Variants in PLK2 observed in about 807,000 individuals in gnomAD.
PLK2 encodes the protein polo like kinase 2.
PLK2 carries 25 observed loss-of-function variants against 78.1 expected under a neutral mutation model. That is an observed-to-expected ratio of 0.32 (90% CI 0.23 to 0.45). The LOEUF (loss-of-function observed/expected upper bound fraction) is 0.45. Ranked by LOEUF, PLK2 falls within the 20% of genes least tolerant of loss-of-function variation. The pLI is 1.00. For missense variants in PLK2, 566 were observed against 840.2 expected, an observed-to-expected ratio of 0.67 and a Z score of 4.04; for synonymous variants, 332 against 298.2, an observed-to-expected ratio of 1.11 and a Z score of -1.17.
chr5:58,456,175 A>G lies in PLK2; in HGVS notation c.1255-20T>C, dbSNP rs1743598652. The G allele has an allele frequency of 6.2e-7, 1 of 1,603,030 alleles. No individual in the cohort carries two copies. The highest frequency in any genetic ancestry group is 1.3e-5 in the African/African-American group (1 of 74,208). On this transcript the variant is annotated intron_variant, in intron 9 of 13. Transcript: ENST00000274289. ...GAGCTCCTTAGAAGAGAGAAGATTT[A>G]TGCAATGAGTCAAGCATCTAAATTC...
chr5:58,458,327 A>T, intron 4 of PLK2, 72 bp downstream of exon 4: 1 of 1,514,974 alleles, frequency 6.6e-7, no homozygotes, highest in Non-Finnish European at 9.2e-7. Flanking sequence ...AAGAACATTA[A>T]TATGTAAAAA....
rs1743682166 is a variant in PLK2 at position 58,458,957 on chromosome 5, A to G, written c.378+28T>C. 7.7e-6 allele frequency: 11 copies of G among 1,426,800 alleles called. No individual in the cohort carries two copies. In the South Asian group the frequency reaches 1.1e-4, roughly 15 times the overall value. 88.4% of individuals were successfully genotyped at this position (1,426,800 alleles called of 1,614,324 possible). A position where few individuals can be genotyped will look rare whatever the true frequency, so the allele number is the denominator to read the frequency against. Reference sequence around the variant, plus strand: ...GAAGGGCCATCCTTGCACACAAAGAAAATACTTTACTCAAGAGTCATACGC... The same window carrying G: ...GAAGGGCCATCCTTGCACACAAAGAGAATACTTTACTCAAGAGTCATACGC... On this transcript the variant is annotated intron_variant, in intron 2 of 13. Coordinates refer to ENST00000274289, the MANE Select transcript of PLK2 (RefSeq NM_006622.4).
At chr5:58,456,243 T>C in intron 9 of PLK2, 88 bp from the exon 10 acceptor site, 11 of 1,301,316 alleles carry the variant, frequency 8.5e-6, no homozygotes, top group East Asian at 2.3e-5. Flanking sequence ...AGTGAGGCAA[T>C]TGCTGGGAAA....
intron 3 of PLK2, 96 bp from the exon 4 acceptor site, chr5:58,458,624 A>G (rs1561217083): frequency 7.5e-7 from 1 of 1,327,736 alleles, no homozygotes; most frequent in Non-Finnish European, 1.1e-6. Flanking sequence ...TTAACTTTGC[A>G]GTGTAAGTGC....
At chr5:58,459,310 T>A (rs1579966197) in intron 1 of PLK2, 2 of 582,904 alleles carry the variant, frequency 3.4e-6, no homozygotes, top group East Asian at 5.7e-5. Context: ...TCTCTTCTTC[T>A]TTTATAAAGG....
chr5:58,456,728 T>C (rs901681754), intron 8 of PLK2, 139 bp from the exon 9 acceptor site: 2 of 659,012 alleles, frequency 3.0e-6, no homozygotes, highest in African/African-American at 3.7e-5. Context: ...CCTTTGCCTT[T>C]AGCTGCAGCT....
At chr5:58,456,258 A>T in intron 9 of PLK2, 103 bp from the exon 10 acceptor site, 1 of 1,155,422 alleles carries the variant, frequency 8.7e-7, no homozygotes. Context: ...GGGAAAGCTC[A>T]TCAAAAAGCA....
chr5:58,459,820 G>T lies in PLK2; in HGVS notation c.140C>A (p.Ser47Tyr). ...QPPEESQPPQ[S>Y]QAQVPPAAPH... is the part of the protein sequence containing the mutation. ...GGCCGCCGGGGGCACTTGCGCCTGG[G>T]ACTGAGGTGGCTGCGATTCCTCGGG... is the stretch of plus-strand genomic sequence containing the variant. The change falls in exon 1 of 14, where the codon TCC becomes TAC. Residue 47 changes from serine to tyrosine, a missense_variant. Transcript: ENST00000274289. The T allele has an allele frequency of 6.2e-7, 1 of 1,609,936 alleles. No individual in the cohort carries two copies.
Position 58,454,982 on chromosome 5 carries a change from G to T in PLK2, c.1795C>A (p.Arg599=). ...TTTAGCCACTGAAGGAGGTAGAGCC[G>T]AGGTCTTCGAATATCAGTAACACTA... The part of the protein sequence containing the change: ...LPSVTDIRRP[R]LYLLQWLKSD... The change falls in exon 13 of 14, where the codon CGG becomes AGG. Residue 599 remains arginine (R), a synonymous_variant. Transcript: ENST00000274289. The T allele has an allele frequency of 6.2e-7, 1 of 1,612,508 alleles. No homozygotes were observed. Among genetic ancestry groups the T allele is most frequent in the Non-Finnish European group, 8.5e-7 (1 of 1,178,518 alleles).
At chr5:58,456,850 C>T in intron 8 of PLK2, 95 bp downstream of exon 8, 1 of 799,400 alleles carries the variant, frequency 1.3e-6, no homozygotes, top group East Asian at 2.7e-5. Flanking sequence ...CAAATATGGC[C>T]AAGTTATGCT....
rs1293598885 is a variant in PLK2 at position 58,457,577 on chromosome 5, T to A, written c.720A>T (p.Ile240=). The change falls in exon 6 of 14, where the codon ATA becomes ATT. Residue 240 remains isoleucine (I), a synonymous_variant. Transcript: ENST00000274289. Reference sequence around the variant, plus strand: ...GAGAGAGATAATTTGGGGTACCACATATCGTTCTGGAAAGACAAAATATTG... The same window carrying A: ...GAGAGAGATAATTTGGGGTACCACAAATCGTTCTGGAAAGACAAAATATTG... ...LEPLEHRRRT[I]CGTPNYLSPE... The A allele has an allele frequency of 7.5e-6, 12 of 1,597,732 alleles. No individual in the cohort carries two copies. Among genetic ancestry groups the A allele is most frequent in the Non-Finnish European group, 9.4e-6 (11 of 1,165,140 alleles).
Position 58,459,731 on chromosome 5 carries a change from T to G in PLK2, c.229A>C (p.Thr77Pro). ...PEISRIIVDP[T>P]TGKRYCRGKV... ...CCCCGGCAGTAGCGCTTCCCAGTCG[T>G]GGGGTCGACGATAATCCGCGAGATC... The change falls in exon 1 of 14, where the codon ACG (threonine) becomes CCG (proline). Residue 77 changes from threonine to proline, a missense_variant. By Grantham distance (38) the Thr-to-Pro change is conservative. This residue lies in a region of PLK2 where 127 missense variants were observed against 122.5 expected (regional missense o/e 1.04). Coordinates refer to ENST00000274289, the MANE Select transcript of PLK2 (RefSeq NM_006622.4). The G allele has an allele frequency of 6.2e-7, 1 of 1,604,636 alleles. No homozygotes were observed. Among genetic ancestry groups the G allele is most frequent in the Non-Finnish European group, 8.5e-7 (1 of 1,177,446 alleles).
At position 58,457,205 on chromosome 5, in the gene PLK2, G is replaced by A; in HGVS notation, c.984C>T (p.Ile328=). ...CCTGCAAAAAAAAGTCATGTCGAATGATGTCATCCAAACTGGGACGATCCT... is the reference window on the plus strand; with the variant it reads ...CCTGCAAAAAAAAGTCATGTCGAATAATGTCATCCAAACTGGGACGATCCT... The part of the protein sequence containing the change: ...NPEDRPSLDD[I]IRHDFFLQGF... Residue 328 remains isoleucine (I), a synonymous_variant, in exon 7 of 14, where the codon ATC becomes ATT. Transcript: ENST00000274289. 1 of 1,614,104 alleles carries A rather than the reference G, an allele frequency of 6.2e-7. No homozygotes were observed. The highest frequency in any genetic ancestry group is 1.1e-5 in the South Asian group (1 of 91,086).
In PLK2 at chr5:58,460,072, C is replaced by G. The variant is rs939459186; in HGVS notation, c.-113G>C. ...CTGGTGCCGACTAGCACCCAACACC[C>G]CGGTCCACTTGTGCGAGTGAGAGCG... On this transcript the variant is annotated 5_prime_UTR_variant, in exon 1 of 14. Coordinates refer to ENST00000274289, the MANE Select transcript of PLK2 (RefSeq NM_006622.4). 1.6e-6 allele frequency: 2 copies of G among 1,273,128 alleles called. No individual in the cohort carries two copies. Among genetic ancestry groups the G allele is most frequent in the Non-Finnish European group, 1.1e-6 (1 of 934,626 alleles). 78.9% of individuals were successfully genotyped at this position (1,273,128 alleles called of 1,614,324 possible).
At chr5:58,457,848 G>A in intron 5 of PLK2, 1 of 590,898 alleles carries the variant, frequency 1.7e-6, no homozygotes, top group South Asian at 2.1e-5. Context: ...GGGACGTCGT[G>A]GCATTTTATA....
Position 58,457,104 on chromosome 5 carries a change from T to C in PLK2, c.1009-12A>G. 2 of 1,611,372 alleles carry C rather than the reference T, an allele frequency of 1.2e-6. No homozygotes were observed. Among genetic ancestry groups the C allele is most frequent in the Admixed American group, 3.4e-5 (2 of 59,516 alleles). ...TCCGGAGTGAAGCCCTGTGGAATAT[T>C]AGAAAAAGCCTTCAGTAACCTGTCA... On this transcript the variant is annotated splice_polypyrimidine_tract_variant and intron_variant, in intron 7 of 13. Transcript: ENST00000274289.
chr5:58,455,068 G>T, intron 12 of PLK2, 47 bp from the exon 13 acceptor site: 1 of 1,203,372 alleles, frequency 8.3e-7, no homozygotes, highest in Non-Finnish European at 1.2e-6. Flanking sequence ...AGATTTTGTA[G>T]CATGCACTCT....
rs768613514 is a variant in PLK2, at chr5:58,454,701, T to C, written c.1940A>G (p.Asn647Ser). ...GAAAGTTGTAGATATCCTATCCTCA[T>C]TGATGTAGGTGAGAAGGTATTCTTC... ...QNEEYLLTYI[N>S]EDRISTTFRL... The change falls in exon 14 of 14, where the codon AAT (asparagine) becomes AGT (serine). Residue 647 changes from asparagine (N) to serine (S), a missense_variant. Asn to Ser is a conservative substitution (Grantham distance 46). Around this residue, in one of 5 missense-constraint regions of PLK2, gnomAD observed 130 missense variants for 196.4 expected, o/e 0.66. Transcript: ENST00000274289. The C allele has an allele frequency of 1.4e-5, 22 of 1,613,082 alleles. No homozygotes were observed. The highest frequency in any genetic ancestry group is 1.6e-4 in the Middle Eastern group (1 of 6,082).
intron 1 of PLK2, 161 bp downstream of exon 1, chr5:58,459,529 C>A: frequency 1.6e-6 from 1 of 619,110 alleles, no homozygotes; most frequent in Admixed American, 3.1e-5. Context: ...GCTGCCGGCG[C>A]ACAAAAGCCA....
Sources: gnomAD v4.1 joint callset for allele counts on GRCh38, gnomAD v4.1.1 for gene constraint, gnomAD v4.1.1 regional missense constraint, MANE v1.5 for transcripts, NCBI Gene and HGNC (gene_info 2026-07-23, HGNC 2026-07-21) for gene names.